The following CPN1 variants were observed in gnomAD, a reference collection of about 807,000 sequenced individuals.
The protein encoded by CPN1 is carboxypeptidase N catalytic chain.
CPN1 carries 37 observed loss-of-function variants against 46.4 expected under a neutral mutation model. The ratio of observed to expected loss-of-function variants is 0.80; its 90% confidence interval spans 0.61 to 1.05. The LOEUF is 1.05. CPN1 is among the 50% of genes least tolerant of loss of function. The pLI is 0.00. For synonymous variants in CPN1, 224 were observed against 235.4 expected, an observed-to-expected ratio of 0.95 and a Z score of 0.44; for missense variants, 563 against 602.6, an observed-to-expected ratio of 0.93 and a Z score of 0.69.
intron 5 of CPN1, 135 bp downstream of exon 5, chr10:100,063,479 C>T (rs559646886): frequency 4.8e-5 from 36 of 745,176 alleles, no homozygotes; most frequent in Non-Finnish European, 7.7e-5. Context: ...CCTGAGACTT[C>T]CTCATTTTCC....
rs2041547413 is a variant in CPN1 at position 100,081,568 on chromosome 10, G to A, written c.58C>T (p.Pro20Ser). The A allele has an allele frequency of 6.2e-7, 1 of 1,614,050 alleles. No individual in the cohort carries two copies. Residue 20 changes from proline to serine, a missense_variant, in exon 1 of 9, where the codon CCG becomes TCG. Transcript: ENST00000370418. Reference protein sequence around the residue: ...HLLLLFKLVAPVTFRHHRYDD... With the variant: ...HLLLLFKLVASVTFRHHRYDD... Reference sequence around the variant, plus strand: ...TAGCGGTGGTGGCGAAAGGTCACCGGGGCAACCAACTTGAAGAGAAGGAGG... The same window carrying A: ...TAGCGGTGGTGGCGAAAGGTCACCGAGGCAACCAACTTGAAGAGAAGGAGG...
At position 100,068,314 on chromosome 10, in the gene CPN1, T is replaced by C. The variant is rs571970467; in HGVS notation, c.576+1400A>G. Among the ~76,000 whole-genome samples the C allele has an allele frequency of 8.8e-3, 1,314 of 149,280 alleles. 13 individuals are homozygous for C. The highest frequency in any genetic ancestry group is 0.018 in the Middle Eastern group (5 of 282). ...CTGCAACCTCTGCCTCCCAGGCTCA[T>C]GCCATTCTCCTGCCTCAGCCTCCCA... is the stretch of plus-strand genomic sequence containing the variant. On this transcript the variant is annotated intron_variant, in intron 3 of 8. Transcript: ENST00000370418.
intron 5 of CPN1, among the ~76,000 whole-genome samples, chr10:100,063,184 G>A (rs775765391): frequency 2.6e-5 from 4 of 152,052 alleles, no homozygotes; most frequent in African/African-American, 7.2e-5. Flanking sequence ...GCAGTGATGC[G>A]ATCATGGCTC....
intron 1 of CPN1, among the ~76,000 whole-genome samples, chr10:100,079,317 G>T (rs1429973888): frequency 6.6e-6 from 1 of 152,264 alleles, no homozygotes; most frequent in African/African-American, 2.4e-5. Flanking sequence ...AAAAGTGCCT[G>T]CATATTGTAG....
Position 100,081,560 on chromosome 10 carries a change from G to A in CPN1, c.66C>T (p.Thr22=), listed in dbSNP as rs757598430. Reference sequence around the variant, plus strand: ...GATCATCATAGCGGTGGTGGCGAAAGGTCACCGGGGCAACCAACTTGAAGA... The same window carrying A: ...GATCATCATAGCGGTGGTGGCGAAAAGTCACCGGGGCAACCAACTTGAAGA... ...LLLFKLVAPV[T]FRHHRYDDLV... Residue 22 remains threonine (T), a synonymous_variant, in exon 1 of 9, where the codon ACC becomes ACT. Transcript: ENST00000370418. 1 of 1,614,172 alleles carries A rather than the reference G, an allele frequency of 6.2e-7. No homozygotes were observed. Among genetic ancestry groups the A allele is most frequent in the South Asian group, 1.1e-5 (1 of 91,082 alleles).
chr10:100,079,382 G>A (rs1426951105), intron 1 of CPN1, among the ~76,000 whole-genome samples: 1 of 152,242 alleles, frequency 6.6e-6, no homozygotes, highest in African/African-American at 2.4e-5. Flanking sequence ...TGGGTGAATA[G>A]CAGTTATAGT....
intron 2 of CPN1, 43 bp from the exon 3 acceptor site, chr10:100,069,912 A>C: frequency 1.9e-6 from 3 of 1,611,148 alleles, no homozygotes; most frequent in Non-Finnish European, 2.5e-6. Context: ...TTTCAGATTG[A>C]ATACTATATT....
chr10:100,042,673 G>A, intron 8 of CPN1, 100 bp from the exon 9 acceptor site: 2 of 1,465,362 alleles, frequency 1.4e-6, no homozygotes, highest in Non-Finnish European at 1.9e-6. Context: ...TATTATAGCA[G>A]TGACCCAGAG....
At chr10:100,064,108 G>A (rs1589475717) in intron 4 of CPN1, among the ~76,000 whole-genome samples, 1 of 152,046 alleles carries the variant, frequency 6.6e-6, no homozygotes, top group Non-Finnish European at 1.5e-5. Flanking sequence ...TTTTCTAGCC[G>A]AATTTTGTCA....
chr10:100,073,070 T>G (rs2041494546), intron 2 of CPN1, among the ~76,000 whole-genome samples: 2 of 152,192 alleles, frequency 1.3e-5, no homozygotes, highest in Admixed American at 1.3e-4. Context: ...CAGATTACAT[T>G]TTTTTCTAAG....
intron 2 of CPN1, among the ~76,000 whole-genome samples, chr10:100,071,339 T>C (rs2041483616): frequency 6.6e-6 from 1 of 152,224 alleles, no homozygotes; most frequent in African/African-American, 2.4e-5. Flanking sequence ...GTCAACTGGA[T>C]GGGCGGCACG....
intron 5 of CPN1, among the ~76,000 whole-genome samples, chr10:100,062,124 C>A (rs2041422585): frequency 6.6e-6 from 1 of 152,224 alleles, no homozygotes; most frequent in African/African-American, 2.4e-5. Flanking sequence ...TCTCACCAAT[C>A]TGCTGCCTGG....
At position 100,042,281 on chromosome 10, in the gene CPN1, C is replaced by A; in HGVS notation, c.*146G>T. ...TTCATGATGACCTAGAGATGGCTTA[C>A]CCCTGGAACAGATGGAGACCATTCT... On this transcript the variant is annotated 3_prime_UTR_variant, in exon 9 of 9. Transcript: ENST00000370418. The A allele has an allele frequency of 2.1e-5, 24 of 1,126,008 alleles. No homozygotes were observed. The highest frequency in any genetic ancestry group is 2.9e-5 in the Non-Finnish European group (22 of 758,724). The allele number at this position is 1,126,008 out of a possible 1,614,324, so 69.8% of individuals were successfully genotyped here.
chr10:100,047,348 T>A (rs552565908), intron 8 of CPN1, among the ~76,000 whole-genome samples: 5 of 152,222 alleles, frequency 3.3e-5, no homozygotes, highest in African/African-American at 1.2e-4. Flanking sequence ...GGAGGACATA[T>A]CTGACCTCCC....
chr10:100,043,036 G>A (rs2041286969), intron 8 of CPN1, among the ~76,000 whole-genome samples: 1 of 150,230 alleles, frequency 6.7e-6, no homozygotes, highest in Admixed American at 6.7e-5. Context: ...GGAGGCTGCA[G>A]TGAGCTGAGA....
chr10:100,073,062 G>T (rs1209488932), intron 2 of CPN1, among the ~76,000 whole-genome samples: 1 of 152,178 alleles, frequency 6.6e-6, no homozygotes, highest in African/African-American at 2.4e-5. Context: ...AAATGCGGCA[G>T]ATTACATTTT....
Position 100,081,726 on chromosome 10 carries a change from G to C in CPN1, c.-101C>G. ...AAATCCAAGGTCCACCTAGCTTCCC[G>C]CTTGTAAACACCAGTCCAAATTGGA... On this transcript the variant is annotated 5_prime_UTR_variant, in exon 1 of 9. Coordinates refer to ENST00000370418, the MANE Select transcript of CPN1 (RefSeq NM_001308.3). The C allele has an allele frequency of 1.1e-6, 1 of 930,928 alleles. No individual in the cohort carries two copies. The highest frequency in any genetic ancestry group is 1.7e-6 in the Non-Finnish European group (1 of 589,084). The allele number at this position is 930,928 out of a possible 1,614,324, so 57.7% of individuals were successfully genotyped here.
rs369747594 is a variant in CPN1, at chr10:100,057,085, C to T, written c.939G>A (p.Lys313=). The T allele has an allele frequency of 2.8e-5, 46 of 1,614,054 alleles. No homozygotes were observed. The highest frequency in any genetic ancestry group is 1.6e-4 in the Middle Eastern group (1 of 6,084). ...GCTGTAACTCCTCTTCGGGGGGAAA[C>T]TTGTCGCAACTCAGTTCCAGCGTGA... ...FEITLELSCD[K]FPPEEELQRE... The change falls in exon 6 of 9, where the codon AAG becomes AAA. Residue 313 remains lysine (K), a synonymous_variant. Coordinates refer to ENST00000370418, the MANE Select transcript of CPN1 (RefSeq NM_001308.3).
At chr10:100,043,610 A>T (rs2041291462) in intron 8 of CPN1, among the ~76,000 whole-genome samples, 1 of 152,040 alleles carries the variant, frequency 6.6e-6, no homozygotes, top group South Asian at 2.1e-4. Flanking sequence ...GTTTGACTTC[A>T]AAGATAGTAG....
Sources: allele counts gnomAD v4.1 joint callset (sites outside exome capture counted in the v4.1 genomes callset), GRCh38; gene constraint gnomAD v4.1.1; transcripts MANE v1.5; gene names NCBI Gene and HGNC (gene_info 2026-07-23, HGNC 2026-07-21).